The following SLC28A3 variants were observed in gnomAD, a reference collection of about 807,000 sequenced individuals.
The protein encoded by SLC28A3 is concentrative Na(+)-nucleoside cotransporter 3.
Under a neutral mutation model 84.2 loss-of-function variants are expected in SLC28A3, and 68 were observed. That is an observed-to-expected ratio of 0.81 (90% CI 0.66 to 0.99). The LOEUF (loss-of-function observed/expected upper bound fraction) is 0.99. SLC28A3 is among the 50% of genes least tolerant of loss of function. SLC28A3 has a pLI of 0.00. For synonymous variants in SLC28A3, 267 were observed against 303.6 expected (o/e 0.88, Z 1.25); for missense variants, 712 against 841.5 (o/e 0.85, Z 1.90).
chr9:84,293,705 C>T lies in SLC28A3; in HGVS notation c.942+490G>A, dbSNP rs940949079. 3.3e-5 allele frequency among the ~76,000 whole-genome samples: 5 copies of T among 152,266 alleles called. No homozygotes were observed. In the South Asian group the frequency reaches 6.2e-4, roughly 19 times the overall value. On this transcript the variant is annotated intron_variant, in intron 9 of 17. Transcript: ENST00000376238. ...GTGTATGTGTGTGTGTATGCATGCA[C>T]GCTCATGCTTATGAAACTCCCTCAG... is the stretch of plus-strand genomic sequence containing the variant.
At chr9:84,287,474 G>C (rs1380765030) in intron 12 of SLC28A3, among the ~76,000 whole-genome samples, 1 of 151,880 alleles carries the variant, frequency 6.6e-6, no homozygotes, top group Non-Finnish European at 1.5e-5. Flanking sequence ...ATGGCTTTCT[G>C]TCTAAACCAA....
chr9:84,302,422 CACTA>C, intron 4 of SLC28A3, 33 bp from the exon 5 acceptor site: 1 of 1,600,712 alleles, frequency 6.2e-7, no homozygotes, highest in African/African-American at 1.3e-5. Context: ...CACTGAACAT[CACTA>C]ACCACTGGGA....
chr9:84,297,441 C>A lies in SLC28A3; in HGVS notation c.784-143G>T, dbSNP rs1825459745. 9.5e-6 allele frequency: 6 copies of A among 629,790 alleles called. No homozygotes were observed. In the Admixed American group the frequency reaches 1.8e-4, roughly 19 times the overall value. 39.0% of individuals were successfully genotyped at this position (629,790 alleles called of 1,614,324 possible). On this transcript the variant is annotated intron_variant, in intron 7 of 17. Coordinates refer to ENST00000376238, the MANE Select transcript of SLC28A3 (RefSeq NM_001199633.2). ...AAAGTTAATGTTCTCAGCTTTGCCCCCTCCAATGAATGGTGTAGAAGCATA... is the reference window on the plus strand; with the variant it reads ...AAAGTTAATGTTCTCAGCTTTGCCCACTCCAATGAATGGTGTAGAAGCATA...
chr9:84,368,623 C>T, the SLC28A3 span, among the ~76,000 whole-genome samples: 87 of 152,166 alleles, frequency 5.7e-4, no homozygotes, highest in African/African-American at 2.0e-3. Context: ...CACAACTCTG[C>T]CCAGTGCCCT....
At chr9:84,293,921 C>T (rs145923973) in intron 9 of SLC28A3, among the ~76,000 whole-genome samples, 3 of 152,248 alleles carry the variant, frequency 2.0e-5, no homozygotes, top group East Asian at 1.9e-4. Flanking sequence ...AGTATCTGAC[C>T]TCAATTCCTC....
chr9:84,297,180 T>C (rs759550047), intron 8 of SLC28A3, 41 bp downstream of exon 8: 4 of 1,552,230 alleles, frequency 2.6e-6, no homozygotes, highest in Admixed American at 1.8e-5. Context: ...CAGAAGCCGC[T>C]GAAATAGCAG....
Position 84,304,461 on chromosome 9 carries a change from C to CA in SLC28A3, c.334+792dup, listed in dbSNP as rs35892503. On this transcript the variant is annotated intron_variant, in intron 4 of 17. Transcript: ENST00000376238. ...AGAAAAACAAAAAATAACAGTACAACAAAAAAAAAAAACAAAAACAAACCA... is the reference window on the plus strand; with the variant it reads ...AGAAAAACAAAAAATAACAGTACAACAAAAAAAAAAAAACAAAAACAAACCA... Among the ~76,000 whole-genome samples, 972 of 140,350 alleles carry CA rather than the reference C, an allele frequency of 6.9e-3. 2 individuals carry two copies. Among genetic ancestry groups the CA allele is most frequent in the African/African-American group, 0.012 (488 of 40,318 alleles). The allele number at this position is 140,350 out of a possible 152,430, so 92.1% of individuals were successfully genotyped here.
At chr9:84,292,810 A>G in intron 9 of SLC28A3, 62 bp from the exon 10 acceptor site, 1 of 1,183,920 alleles carries the variant, frequency 8.4e-7, no homozygotes, top group Non-Finnish European at 1.2e-6. Flanking sequence ...ACTTCAAAGT[A>G]GGGATTAAAA....
chr9:84,292,465 C>T, intron 10 of SLC28A3: 1 of 383,330 alleles, frequency 2.6e-6, no homozygotes, highest in Non-Finnish European at 4.6e-6. Flanking sequence ...GTCTCTCTGT[C>T]TCTCTCTCTG....
intron 3 of SLC28A3, 57 bp from the exon 4 acceptor site, chr9:84,305,402 CT>C (rs1448423915): frequency 1.7e-5 from 24 of 1,403,624 alleles, no homozygotes; most frequent in Non-Finnish European, 2.3e-5. Context: ...ATGAAATAAA[CT>C]GCATGGTGAG....
rs147173542 is a variant in SLC28A3 at position 84,304,193 on chromosome 9, A to C, written c.334+1061T>G. ...ATGGTTGCTTTGTTACTACAGTGGC[A>C]GAATGGCATGGTTTTGACCTTATGT... On this transcript the variant is annotated intron_variant, in intron 4 of 17. Coordinates refer to ENST00000376238, the MANE Select transcript of SLC28A3 (RefSeq NM_001199633.2). Among the ~76,000 whole-genome samples the C allele has an allele frequency of 9.5e-4, 145 of 152,394 alleles. 1 individual carries two copies. The highest frequency in any genetic ancestry group is 3.4e-3 in the African/African-American group (142 of 41,596).
At chr9:84,294,341 G>C (rs1476990691) in intron 8 of SLC28A3, 66 bp from the exon 9 acceptor site, 14 of 1,469,892 alleles carry the variant, frequency 9.5e-6, no homozygotes, top group Admixed American at 1.7e-5. Flanking sequence ...TTTATATCAG[G>C]CCTCCTCTCT....
Position 84,297,974 on chromosome 9 carries a change from G to GTCTT in SLC28A3, c.714_715insAAGA (p.Leu239LysfsTer10). On this transcript the variant is annotated frameshift_variant, in exon 7 of 18. Coordinates refer to ENST00000376238, the MANE Select transcript of SLC28A3 (RefSeq NM_001199633.2). LOFTEE classifies it high-confidence loss of function. ...TCAGTCCTTAGAATCAAGAGCCCAA[G>GTCTT]AAGAAACTGTAGCCCGATTCCCCAT... is the stretch of plus-strand genomic sequence containing the variant. 6.2e-7 allele frequency: 1 copy of GTCTT among 1,612,730 alleles called. No homozygotes were observed. Among genetic ancestry groups the GTCTT allele is most frequent in the African/African-American group, 1.3e-5 (1 of 74,914 alleles).
the SLC28A3 span, among the ~76,000 whole-genome samples, chr9:84,363,571 T>C: frequency 6.6e-6 from 1 of 152,158 alleles, no homozygotes; most frequent in Admixed American, 6.5e-5. Context: ...TCCTGTCACA[T>C]CCATATTATT....
chr9:84,354,569 C>T, the SLC28A3 span, among the ~76,000 whole-genome samples: 5 of 152,326 alleles, frequency 3.3e-5, no homozygotes, highest in East Asian at 5.8e-4. Flanking sequence ...AACTCTAGGC[C>T]GGGCACAGTG....
the SLC28A3 span, among the ~76,000 whole-genome samples, chr9:84,351,709 G>T: frequency 6.6e-6 from 1 of 150,962 alleles, no homozygotes; most frequent in East Asian, 1.9e-4. Context: ...AAAAGACAAC[G>T]TAGGGACAAT....
the SLC28A3 span, among the ~76,000 whole-genome samples, chr9:84,361,274 G>A: frequency 6.6e-6 from 1 of 152,286 alleles, no homozygotes; most frequent in East Asian, 1.9e-4. Flanking sequence ...GAACCTGGGA[G>A]GCAAAGGTTG....
chr9:84,279,368 G>A lies in SLC28A3; in HGVS notation c.1846C>T (p.Pro616Ser). The A allele has an allele frequency of 6.3e-7, 1 of 1,591,462 alleles. No individual in the cohort carries two copies. The highest frequency in any genetic ancestry group is 8.6e-7 in the Non-Finnish European group (1 of 1,168,870). ...ACGTGATGGCAGTTGATGTCCACAG[G>A]AGTGCTGGAGAGTATGCCTAGAAGT... is the stretch of plus-strand genomic sequence containing the variant. ...ACIAGILSST[P>S]VDINCHHVLE... The change falls in exon 17 of 18, where the codon CCT becomes TCT. Residue 616 changes from proline to serine, a missense_variant. Coordinates refer to ENST00000376238, the MANE Select transcript of SLC28A3 (RefSeq NM_001199633.2).
At position 84,280,743 on chromosome 9, in the gene SLC28A3, G is replaced by C. The variant is rs1004332798; in HGVS notation, c.1729+58C>G. On this transcript the variant is annotated intron_variant, in intron 15 of 17. Coordinates refer to ENST00000376238, the MANE Select transcript of SLC28A3 (RefSeq NM_001199633.2). ...TGACATAACAGTACAGAGCAAAATG[G>C]GGATCCAAGTATGTCTATGGCACAT... 10 of 1,557,538 alleles carry C rather than the reference G, an allele frequency of 6.4e-6. No individual in the cohort carries two copies. In the Admixed American group the frequency reaches 1.7e-4, roughly 26 times the overall value.
Sources: allele counts gnomAD v4.1 joint callset (sites outside exome capture counted in the v4.1 genomes callset), GRCh38; gene constraint gnomAD v4.1.1; transcripts MANE v1.5; gene names NCBI Gene and HGNC (gene_info 2026-07-23, HGNC 2026-07-21).